CELF1: variants seen among roughly 807,000 people sequenced by gnomAD.
CELF1 encodes the protein CUGBP Elav-like family member 1.
CELF1 carries 10 observed loss-of-function variants against 61.8 expected under a neutral mutation model. The observed-to-expected ratio is 0.16, with a 90% CI of 0.10 to 0.27. The LOEUF (loss-of-function observed/expected upper bound fraction) is 0.27, where lower values mean the gene tolerates loss of function less well. CELF1 is among the 10% of genes least tolerant of loss of function. CELF1 has a pLI of 1.00. For synonymous variants in CELF1, 236 were observed against 225.1 expected (o/e 1.05, Z -0.43); for missense variants, 380 against 639.1 (o/e 0.59, Z 4.37).
chr11:47,540,749 T>C (rs1295979623), intron 1 of CELF1, among the ~76,000 whole-genome samples: 2 of 151,950 alleles, frequency 1.3e-5, no homozygotes, highest in East Asian at 3.9e-4. Flanking sequence ...CCGGGCATGG[T>C]GGTGGGCACC....
At chr11:47,495,883 T>C in intron 3 of CELF1, 1 of 583,908 alleles carries the variant, frequency 1.7e-6, no homozygotes, top group African/African-American at 2.0e-5. Context: ...TCACTCCCCC[T>C]TTCTCATTAC....
intron 1 of CELF1, among the ~76,000 whole-genome samples, chr11:47,541,546 T>G (rs899596061): frequency 1.3e-5 from 2 of 151,186 alleles, no homozygotes; most frequent in African/African-American, 2.4e-5. Flanking sequence ...CAAAATTAGC[T>G]GGGTGTGGTG....
At chr11:47,536,370 ATAGAT>A (rs2096630222) in intron 1 of CELF1, among the ~76,000 whole-genome samples, 1 of 151,788 alleles carries the variant, frequency 6.6e-6, no homozygotes, top group Admixed American at 6.6e-5. Flanking sequence ...TCATAAATAA[ATAGAT>A]AGATAGATAG....
chr11:47,559,157 G>A lies in CELF1; in HGVS notation c.-11+5194C>T, dbSNP rs143028267. ...GTCTCCCAGGCTGGAGTGCAGTGGC[G>A]CAATCTCAGCTCACCACAACCTCCG... On this transcript the variant is annotated intron_variant, in intron 2 of 3. Coordinates refer to the CELF1 transcript ENST00000525841. 5.7e-4 allele frequency among the ~76,000 whole-genome samples: 84 copies of A among 146,690 alleles called. 1 individual carries two copies. In the East Asian group the frequency reaches 0.016, roughly 29 times the overall value.
chr11:47,508,977 C>T lies in CELF1; in HGVS notation c.-153-8045G>A, dbSNP rs1291518895. On this transcript the variant is annotated intron_variant, in intron 1 of 14. Transcript: ENST00000687097. ...AGAGATGGGGTTTCACCATGTTGGT[C>T]AGGCTAGTCTCGAACTCCTGACCTC... 3.3e-5 allele frequency among the ~76,000 whole-genome samples: 5 copies of T among 152,298 alleles called. No individual in the cohort carries two copies. In the East Asian group the frequency reaches 9.6e-4, roughly 29 times the overall value.
chr11:47,555,387 T>C (rs970787043), upstream of CELF1, among the ~76,000 whole-genome samples: 1 of 152,260 alleles, frequency 6.6e-6, no homozygotes, highest in African/African-American at 2.4e-5. Context: ...GATAAACTTC[T>C]TGAAGAGCAA....
At chr11:47,495,119 T>C (rs1459562690) in intron 3 of CELF1, among the ~76,000 whole-genome samples, 1 of 152,220 alleles carries the variant, frequency 6.6e-6, no homozygotes, top group African/African-American at 2.4e-5. Flanking sequence ...AATCTGGAAC[T>C]GGTTAACAGA....
intron 1 of CELF1, among the ~76,000 whole-genome samples, chr11:47,525,679 C>A (rs558186058): frequency 6.6e-6 from 1 of 152,260 alleles, no homozygotes; most frequent in African/African-American, 2.4e-5. Flanking sequence ...CAGTGACCTC[C>A]AATCTAATTC....
At chr11:47,518,242 A>G (rs2095663788) in intron 1 of CELF1, among the ~76,000 whole-genome samples, 1 of 152,158 alleles carries the variant, frequency 6.6e-6, no homozygotes, top group African/African-American at 2.4e-5. Context: ...ATTTTAAATG[A>G]CCCCAGCAAC....
chr11:47,475,325 T>C lies in CELF1; in HGVS notation c.1273+11A>G, dbSNP rs367549728. On this transcript the variant is annotated intron_variant, in intron 13 of 14. Transcript: ENST00000687097. Reference sequence around the variant, plus strand: ...CCCCCATACCTGACCCCGATCTCCCTTTGCACTCACCTTCCTTCTGGCTTC... The same window carrying C: ...CCCCCATACCTGACCCCGATCTCCCCTTGCACTCACCTTCCTTCTGGCTTC... 9.3e-6 allele frequency: 15 copies of C among 1,613,108 alleles called. No homozygotes were observed. The highest frequency in any genetic ancestry group is 1.3e-5 in the Non-Finnish European group (15 of 1,179,922).
At chr11:47,474,923 T>G (rs1596092101) in intron 13 of CELF1, among the ~76,000 whole-genome samples, 1 of 152,216 alleles carries the variant, frequency 6.6e-6, no homozygotes, top group Admixed American at 6.5e-5. Context: ...AGGACAAACA[T>G]CAATCAGAAA....
At chr11:47,485,550 C>T (rs1462195794) in intron 6 of CELF1, among the ~76,000 whole-genome samples, 2 of 151,536 alleles carry the variant, frequency 1.3e-5, no homozygotes. Context: ...GAAGAGAATA[C>T]ACCTTTCAGT....
chr11:47,482,373 T>C (rs2083847025), intron 9 of CELF1: 1 of 199,554 alleles, frequency 5.0e-6, no homozygotes, highest in Non-Finnish European at 1.0e-5. Context: ...AAGACACTGG[T>C]AGTTAAGATT....
chr11:47,544,814 T>C (rs748759123), intron 1 of CELF1, among the ~76,000 whole-genome samples: 1 of 151,270 alleles, frequency 6.6e-6, no homozygotes, highest in African/African-American at 2.4e-5. Flanking sequence ...AATACAAAAT[T>C]AGCCAGGTAT....
intron 1 of CELF1, among the ~76,000 whole-genome samples, chr11:47,542,667 C>T (rs1184615943): frequency 6.6e-6 from 1 of 151,934 alleles, no homozygotes; most frequent in East Asian, 1.9e-4. Context: ...CTGGCTAAGT[C>T]TTGTATTTTC....
intron 1 of CELF1, among the ~76,000 whole-genome samples, chr11:47,541,636 GCCAAGATCTCACC>G: frequency 6.7e-6 from 1 of 149,876 alleles, no homozygotes; most frequent in Non-Finnish European, 1.5e-5. Context: ...GTTGCAGCGA[GCCAAGATCTCACC>G]ACTGTACTCC....
At chr11:47,494,573 C>T (rs945289199) in intron 3 of CELF1, 1 of 845,666 alleles carries the variant, frequency 1.2e-6, no homozygotes, top group African/African-American at 1.8e-5. Flanking sequence ...TTTCTTTTCC[C>T]CTCTCAAAAT....
At chr11:47,528,470 G>A (rs2096340364) in intron 1 of CELF1, among the ~76,000 whole-genome samples, 1 of 152,008 alleles carries the variant, frequency 6.6e-6, no homozygotes, top group South Asian at 2.1e-4. Context: ...TTAAAGTTTG[G>A]CCAGGCACAG....
At chr11:47,560,083 A>G (rs2097220790) in intron 2 of CELF1, among the ~76,000 whole-genome samples, 1 of 151,634 alleles carries the variant, frequency 6.6e-6, no homozygotes, top group Admixed American at 6.6e-5. Context: ...GCAGATTGCT[A>G]GAGCTCAGGA....
Sources: allele counts gnomAD v4.1 joint callset (sites outside exome capture counted in the v4.1 genomes callset), GRCh38; gene constraint gnomAD v4.1.1; transcripts MANE v1.5; gene names NCBI Gene and HGNC (gene_info 2026-07-23, HGNC 2026-07-21).